The following MSRB3 variants were observed in gnomAD, a reference collection of about 807,000 sequenced individuals.
MSRB3 encodes the protein methionine-R-sulfoxide reductase B3.
Under a neutral mutation model 21.0 loss-of-function variants are expected in MSRB3, and 13 were observed. That is an observed-to-expected ratio of 0.62 (90% CI 0.40 to 0.98). MSRB3 has a LOEUF of 0.98. Among genes scored for constraint, MSRB3 ranks in the 50% least tolerant of loss-of-function variants. MSRB3 has a pLI of 0.00. For synonymous variants in MSRB3, 87 were observed against 88.6 expected (o/e 0.98, Z 0.10); for missense variants, 199 against 230.3 (o/e 0.86, Z 0.88).
At chr12:65,441,691 A>G (rs1771520824) in intron 5 of MSRB3, among the ~76,000 whole-genome samples, 1 of 151,998 alleles carries the variant, frequency 6.6e-6, no homozygotes, top group South Asian at 2.1e-4. Flanking sequence ...AGAAAGTGAT[A>G]CATATGTGAC....
At chr12:65,371,573 ATGTGTG>A (rs149808439) in intron 5 of MSRB3, among the ~76,000 whole-genome samples, 3 of 147,786 alleles carry the variant, frequency 2.0e-5, no homozygotes, top group South Asian at 2.1e-4. Context: ...GTTAAATTTT[ATGTGTG>A]TGTGTGTGTG....
chr12:65,321,123 T>C (rs1874635141), intron 2 of MSRB3, among the ~76,000 whole-genome samples: 1 of 152,216 alleles, frequency 6.6e-6, no homozygotes, highest in African/African-American at 2.4e-5. Flanking sequence ...TTTTCCTTCC[T>C]GAATACTTAC....
In MSRB3 at chr12:65,463,478, C is replaced by T; in HGVS notation, c.*156C>T. On this transcript the variant is annotated 3_prime_UTR_variant, in exon 7 of 7. Coordinates refer to ENST00000308259, the MANE Select transcript of MSRB3 (RefSeq NM_001031679.3). ...CTTTTGCTTAAACAGAAGCCCTGGCCATCCATGTATTTTGCAATTGACTAG... is the reference window on the plus strand; with the variant it reads ...CTTTTGCTTAAACAGAAGCCCTGGCTATCCATGTATTTTGCAATTGACTAG... 1.1e-6 allele frequency: 1 copy of T among 887,238 alleles called. No individual in the cohort carries two copies. The highest frequency in any genetic ancestry group is 1.8e-5 in the South Asian group (1 of 56,186). 55.0% of individuals were successfully genotyped at this position (887,238 alleles called of 1,614,324 possible). A position where few individuals can be genotyped will look rare whatever the true frequency, so the allele number is the denominator to read the frequency against.
chr12:65,330,463 A>C (rs888689609), intron 4 of MSRB3, among the ~76,000 whole-genome samples: 1 of 151,968 alleles, frequency 6.6e-6, no homozygotes, highest in Non-Finnish European at 1.5e-5. Context: ...TTTTGGGAAA[A>C]ATTCCTTGCT....
At position 65,345,738 on chromosome 12, in the gene MSRB3, C is replaced by T. The variant is rs146534732; in HGVS notation, c.263+17135C>T. 1.9e-3 allele frequency among the ~76,000 whole-genome samples: 290 copies of T among 152,184 alleles called. 1 individual carries two copies. Among genetic ancestry groups the T allele is most frequent in the African/African-American group, 6.5e-3 (269 of 41,534 alleles). On this transcript the variant is annotated intron_variant, in intron 4 of 6. Coordinates refer to ENST00000308259, the MANE Select transcript of MSRB3 (RefSeq NM_001031679.3). ...TAATGCTATCCCTCCCCACTCACCCCACCCCACAACACGCCACGGTGTGTG... is the reference window on the plus strand; with the variant it reads ...TAATGCTATCCCTCCCCACTCACCCTACCCCACAACACGCCACGGTGTGTG...
chr12:65,406,411 A>G (rs1238782047), intron 5 of MSRB3, among the ~76,000 whole-genome samples: 1 of 152,370 alleles, frequency 6.6e-6, no homozygotes, highest in East Asian at 1.9e-4. Flanking sequence ...TGTGCACTGA[A>G]AACTATAAAA....
At chr12:65,415,094 T>C (rs745732013) in intron 5 of MSRB3, among the ~76,000 whole-genome samples, 5 of 152,018 alleles carry the variant, frequency 3.3e-5, no homozygotes, top group African/African-American at 7.2e-5. Flanking sequence ...CCTGGGGGCA[T>C]TGCAATATTT....
intron 4 of MSRB3, among the ~76,000 whole-genome samples, chr12:65,357,224 A>G (rs1191852888): frequency 3.0e-4 from 45 of 151,800 alleles, no homozygotes; most frequent in East Asian, 1.9e-4. Flanking sequence ...TAGTCTACCA[A>G]TGCATTTTGC....
At chr12:65,423,345 C>T (rs1272265664) in intron 5 of MSRB3, among the ~76,000 whole-genome samples, 3 of 152,134 alleles carry the variant, frequency 2.0e-5, no homozygotes, top group African/African-American at 4.8e-5. Flanking sequence ...TTTTATTTTT[C>T]ATCTTTTTGC....
chr12:65,369,862 T>C (rs1051162840), intron 5 of MSRB3, among the ~76,000 whole-genome samples: 6 of 152,220 alleles, frequency 3.9e-5, no homozygotes, highest in African/African-American at 1.4e-4. Context: ...ACATTTTTAC[T>C]CTGGTTCAAG....
chr12:65,398,454 G>T (rs1416163295), intron 5 of MSRB3, among the ~76,000 whole-genome samples: 2 of 151,822 alleles, frequency 1.3e-5, no homozygotes, highest in Admixed American at 6.6e-5. Flanking sequence ...TTTTGATGGG[G>T]TTTGTTTTTT....
intron 4 of MSRB3, among the ~76,000 whole-genome samples, chr12:65,352,243 G>A (rs1877058286): frequency 6.6e-6 from 1 of 152,080 alleles, no homozygotes; most frequent in Non-Finnish European, 1.5e-5. Context: ...TGCAGAAAAA[G>A]CCTTTGACAA....
At chr12:65,349,044 G>A (rs1242690142) in intron 4 of MSRB3, among the ~76,000 whole-genome samples, 3 of 152,050 alleles carry the variant, frequency 2.0e-5, no homozygotes, top group Non-Finnish European at 4.4e-5. Flanking sequence ...ATCTCCCAGT[G>A]CTATCCCTCC....
intron 5 of MSRB3, among the ~76,000 whole-genome samples, chr12:65,382,104 A>T (rs1266687069): frequency 6.6e-6 from 1 of 152,080 alleles, no homozygotes; most frequent in African/African-American, 2.4e-5. Flanking sequence ...TCTTCACAAA[A>T]TCTGTCTATA....
chr12:65,403,967 A>AGG (rs1880273867), intron 5 of MSRB3, among the ~76,000 whole-genome samples: 1 of 152,174 alleles, frequency 6.6e-6, no homozygotes, highest in African/African-American at 2.4e-5. Context: ...GAGATGAGCC[A>AGG]GGTACCTCAG....
intron 5 of MSRB3, among the ~76,000 whole-genome samples, chr12:65,389,642 C>A (rs1209587802): frequency 2.0e-5 from 3 of 152,142 alleles, no homozygotes; most frequent in African/African-American, 7.2e-5. Flanking sequence ...CCTTTCTTCC[C>A]AGTCTGTTAT....
chr12:65,424,076 T>C (rs960391634), intron 5 of MSRB3, among the ~76,000 whole-genome samples: 3 of 152,176 alleles, frequency 2.0e-5, no homozygotes, highest in African/African-American at 7.2e-5. Context: ...GATGTATGTG[T>C]CTAGGAATTT....
chr12:65,419,634 A>G, intron 5 of MSRB3: 1 of 709,888 alleles, frequency 1.4e-6, no homozygotes, highest in Non-Finnish European at 2.6e-6. Context: ...TGGTCTTGAA[A>G]TAATGGACCC....
intron 5 of MSRB3, among the ~76,000 whole-genome samples, chr12:65,400,403 G>A (rs1423724265): frequency 2.0e-5 from 3 of 152,120 alleles, no homozygotes; most frequent in East Asian, 1.9e-4. Flanking sequence ...TTGTAGCAGT[G>A]TTTGTAGTAT....
Sources: allele counts gnomAD v4.1 joint callset (sites outside exome capture counted in the v4.1 genomes callset), GRCh38; gene constraint gnomAD v4.1.1; transcripts MANE v1.5; gene names NCBI Gene and HGNC (gene_info 2026-07-23, HGNC 2026-07-21).